The following THSD7A variants were observed in gnomAD, a reference collection of about 807,000 sequenced individuals.
THSD7A encodes the protein thrombospondin type 1 domain containing 7A, also known as thrombospondin type-1 domain-containing protein 7A.
THSD7A carries 96 observed loss-of-function variants against 231.3 expected under a neutral mutation model. The observed-to-expected ratio is 0.41, with a 90% CI of 0.35 to 0.49. The LOEUF (loss-of-function observed/expected upper bound fraction) is 0.49. THSD7A is among the 20% of genes least tolerant of loss of function. The pLI, the probability that THSD7A is intolerant of heterozygous loss-of-function variation, is 0.05. For missense variants in THSD7A, 2,290 were observed against 2,070.2 expected (o/e 1.11, Z -2.06); for synonymous variants, 940 against 743.3 (o/e 1.26, Z -4.30).
intron 6 of THSD7A, among the ~76,000 whole-genome samples, chr7:11,519,102 A>T (rs1248308995): frequency 6.6e-6 from 1 of 151,912 alleles, no homozygotes; most frequent in Non-Finnish European, 1.5e-5. Flanking sequence ...CCTGTTTTTA[A>T]TTTTTTGGTT....
chr7:11,604,691 A>AG (rs1780677977), intron 2 of THSD7A, among the ~76,000 whole-genome samples: 1 of 152,140 alleles, frequency 6.6e-6, no homozygotes, highest in Non-Finnish European at 1.5e-5. Context: ...AATCTTGCGA[A>AG]TGACAATGCA....
intron 13 of THSD7A, among the ~76,000 whole-genome samples, chr7:11,430,050 T>C (rs557756016): frequency 5.9e-5 from 9 of 152,284 alleles, no homozygotes; most frequent in Non-Finnish European, 8.8e-5. Context: ...AAACGCACGG[T>C]TGTCCTCTAT....
intron 6 of THSD7A, among the ~76,000 whole-genome samples, chr7:11,486,252 GGATT>G (rs148191277): frequency 0.13 from 20,128 of 151,958 alleles, 1,920 homozygotes; most frequent in African/African-American, 0.28. Context: ...ATTTTGTTTT[GGATT>G]GATACACTTT....
intron 17 of THSD7A, among the ~76,000 whole-genome samples, chr7:11,416,476 G>A (rs559937685): frequency 1.3e-5 from 2 of 152,156 alleles, no homozygotes; most frequent in Non-Finnish European, 2.9e-5. Context: ...AAAATCAATT[G>A]TATATCCTTG....
intron 1 of THSD7A, among the ~76,000 whole-genome samples, chr7:11,742,453 A>C (rs921476343): frequency 6.6e-6 from 1 of 151,886 alleles, no homozygotes; most frequent in African/African-American, 2.4e-5. Flanking sequence ...TGTTTTAAGA[A>C]TATAGCTACT....
intron 1 of THSD7A, among the ~76,000 whole-genome samples, chr7:11,691,811 T>C (rs954236570): frequency 2.1e-4 from 32 of 151,474 alleles, no homozygotes; most frequent in African/African-American, 7.5e-4. Context: ...AAAAATGATA[T>C]TGAAATAGAA....
intron 6 of THSD7A, among the ~76,000 whole-genome samples, chr7:11,513,730 C>T (rs1333582051): frequency 6.6e-6 from 1 of 152,068 alleles, no homozygotes. Context: ...GGTTGCACAA[C>T]ATTATGGATA....
At chr7:11,800,453 G>A (rs995835102) in intron 1 of THSD7A, among the ~76,000 whole-genome samples, 2 of 152,144 alleles carry the variant, frequency 1.3e-5, no homozygotes, top group Admixed American at 1.3e-4. Context: ...GGAGGCTGAG[G>A]CAGGAGAATC....
At chr7:11,457,561 T>C (rs375566350) in intron 11 of THSD7A, among the ~76,000 whole-genome samples, 10 of 152,258 alleles carry the variant, frequency 6.6e-5, no homozygotes, top group South Asian at 2.1e-4. Flanking sequence ...TTCAGGCCCA[T>C]GTGTCTTATC....
At chr7:11,700,710 T>C (rs966202900) in intron 1 of THSD7A, among the ~76,000 whole-genome samples, 10 of 151,214 alleles carry the variant, frequency 6.6e-5, no homozygotes, top group African/African-American at 1.9e-4. Flanking sequence ...TTAATTAAAA[T>C]CATATGTCAG....
chr7:11,378,323 A>G (rs1337518956), intron 26 of THSD7A: 1 of 152,202 alleles, frequency 6.6e-6, no homozygotes, highest in Non-Finnish European at 1.5e-5. Flanking sequence ...CATGTAGCAC[A>G]TTTTCAAGCA....
chr7:11,546,561 C>A (rs550664274), intron 4 of THSD7A, among the ~76,000 whole-genome samples: 1 of 152,150 alleles, frequency 6.6e-6, no homozygotes, highest in African/African-American at 2.4e-5. Flanking sequence ...AAGCAATAAG[C>A]CACATTCAAC....
chr7:11,379,384 T>C, intron 25 of THSD7A, 104 bp from the exon 26 acceptor site: 1 of 1,116,178 alleles, frequency 9.0e-7, no homozygotes, highest in Non-Finnish European at 1.3e-6. Context: ...GTTTTGGGAA[T>C]TACTATACAT....
chr7:11,736,214 T>C (rs1018222208), intron 1 of THSD7A, among the ~76,000 whole-genome samples: 4 of 151,950 alleles, frequency 2.6e-5, no homozygotes, highest in African/African-American at 9.7e-5. Flanking sequence ...GTATCTATGA[T>C]ATTTCGAAAA....
At chr7:11,748,328 A>G (rs906721182) in intron 1 of THSD7A, among the ~76,000 whole-genome samples, 1 of 151,984 alleles carries the variant, frequency 6.6e-6, no homozygotes, top group African/African-American at 2.4e-5. Context: ...GTTTGTTGTA[A>G]ATAAAGAAGG....
chr7:11,621,913 T>A (rs1781322773), intron 2 of THSD7A, among the ~76,000 whole-genome samples: 1 of 152,126 alleles, frequency 6.6e-6, no homozygotes, highest in African/African-American at 2.4e-5. Flanking sequence ...AAAACTAATT[T>A]TCAAATATGT....
chr7:11,415,073 C>G (rs115158780), intron 17 of THSD7A, among the ~76,000 whole-genome samples: 6 of 152,170 alleles, frequency 3.9e-5, no homozygotes, highest in African/African-American at 7.2e-5. Flanking sequence ...GAACTATACC[C>G]TCTTTGGATG....
chr7:11,614,830 GA>G (rs1450876656), intron 2 of THSD7A, among the ~76,000 whole-genome samples: 1 of 151,996 alleles, frequency 6.6e-6, no homozygotes, highest in African/African-American at 2.4e-5. Flanking sequence ...CCAAGTTAGA[GA>G]AAAAATAAAC....
rs191139553 is a variant in THSD7A, at chr7:11,530,751, T to G, written c.1822+10668A>C. Among the ~76,000 whole-genome samples the G allele has an allele frequency of 3.1e-3, 479 of 152,242 alleles. 4 individuals are homozygous for G. The highest frequency in any genetic ancestry group is 8.2e-3 in the Admixed American group (126 of 15,282). On this transcript the variant is annotated intron_variant, in intron 6 of 27. Coordinates refer to ENST00000423059, the MANE Select transcript of THSD7A (RefSeq NM_015204.3). The stretch of plus-strand genomic sequence containing the variant: ...CTGCCCAGGCATGGTGGCTCATGCC[T>G]GTAAATCCCAACTCTTTGGGAGGCC...
Sources: allele counts gnomAD v4.1 joint callset (sites outside exome capture counted in the v4.1 genomes callset), GRCh38; gene constraint gnomAD v4.1.1; transcripts MANE v1.5; gene names NCBI Gene and HGNC (gene_info 2026-07-23, HGNC 2026-07-21).